Variants in SOCS5 observed in about 807,000 individuals in gnomAD.
SOCS5 encodes the protein suppressor of cytokine signaling 5.
A neutral mutation model predicts 42.8 loss-of-function variants in SOCS5; 32 were observed. That is an observed-to-expected ratio of 0.75 (90% CI 0.56 to 1.01). SOCS5 has a LOEUF of 1.01. Ranked by LOEUF, SOCS5 falls within the 50% of genes least tolerant of loss-of-function variation. The pLI is 0.00. For missense variants in SOCS5, 627 were observed against 653.0 expected (o/e 0.96, Z 0.43); for synonymous variants, 283 against 229.6 (o/e 1.23, Z -2.10).
intron 1 of SOCS5, among the ~76,000 whole-genome samples, chr2:46,739,779 C>G (rs1429009622): frequency 1.3e-5 from 2 of 152,150 alleles, no homozygotes; most frequent in East Asian, 1.9e-4. Context: ...GTACACATGT[C>G]TACACACATA....
At chr2:46,701,412 T>C (rs1672341348) in intron 1 of SOCS5, among the ~76,000 whole-genome samples, 1 of 152,128 alleles carries the variant, frequency 6.6e-6, no homozygotes, top group Non-Finnish European at 1.5e-5. Context: ...ACCATGGAGA[T>C]GATATTTTGC....
chr2:46,744,891 G>A (rs1012110092), intron 1 of SOCS5, among the ~76,000 whole-genome samples: 29 of 149,920 alleles, frequency 1.9e-4, no homozygotes, highest in African/African-American at 7.1e-4. Flanking sequence ...TAGTGCTTGG[G>A]AAATAGTTGT....
At chr2:46,747,901 T>A (rs1673540272) in intron 1 of SOCS5, among the ~76,000 whole-genome samples, 1 of 152,198 alleles carries the variant, frequency 6.6e-6, no homozygotes, top group Non-Finnish European at 1.5e-5. Flanking sequence ...ATTCTGAGCT[T>A]TTGATAGGTT....
chr2:46,705,227 C>T (rs369884139), intron 1 of SOCS5, among the ~76,000 whole-genome samples: 1 of 152,182 alleles, frequency 6.6e-6, no homozygotes, highest in African/African-American at 2.4e-5. Context: ...GTAGGAGCCC[C>T]AGTTTATAGC....
rs752289034 is a variant in SOCS5 at position 46,758,578 on chromosome 2, G to C, written c.48G>C (p.Gln16His). 1.2e-6 allele frequency: 2 copies of C among 1,610,710 alleles called. No homozygotes were observed. Among genetic ancestry groups the C allele is most frequent in the Non-Finnish European group, 1.7e-6 (2 of 1,178,928 alleles). ...KMWNNFKYRC[Q>H]NLFGHEGGSR... Reference sequence around the variant, plus strand: ...GGAATAACTTCAAATACAGGTGTCAGAATCTCTTCGGTCATGAGGGAGGAA... The same window carrying C: ...GGAATAACTTCAAATACAGGTGTCACAATCTCTTCGGTCATGAGGGAGGAA... Residue 16 changes from glutamine (Q) to histidine (H), a missense_variant, in exon 2 of 2, where the codon CAG becomes CAC. By Grantham distance (24) the Gln-to-His change is conservative. Around this residue, in one of 3 missense-constraint regions of SOCS5, gnomAD observed 278 missense variants for 246.3 expected, o/e 1.13. Coordinates refer to ENST00000394861, the MANE Select transcript of SOCS5 (RefSeq NM_144949.3).
rs1166836699 is a variant in SOCS5 at position 46,759,076 on chromosome 2, GGA to G, written c.547_548del (p.Asp183TyrfsTer22). ...GTCGCTCTCTAAGACAGAGGTTGCA[GGA>G]TACTGTGGGCTTGTGTTTTCCCATG... Reference protein sequence around the residue: ...GSRSLRQRLQDTVGLCFPMRT... With the variant: ...GSRSLRQRLQXTVGLCFPMRT... On this transcript the variant is annotated frameshift_variant, in exon 2 of 2. Transcript: ENST00000394861. LOFTEE classifies it high-confidence loss of function. 1 of 1,613,862 alleles carries G rather than the reference GGA, an allele frequency of 6.2e-7. No homozygotes were observed. Among genetic ancestry groups the G allele is most frequent in the Non-Finnish European group, 8.5e-7 (1 of 1,179,860 alleles).
intron 1 of SOCS5, among the ~76,000 whole-genome samples, chr2:46,725,399 A>T (rs1490894542): frequency 6.6e-6 from 1 of 151,780 alleles, no homozygotes; most frequent in African/African-American, 2.4e-5. Context: ...CTGCTGTTTT[A>T]TTATTTGCTT....
intron 1 of SOCS5, among the ~76,000 whole-genome samples, chr2:46,719,089 A>G (rs912100512): frequency 3.3e-5 from 5 of 152,184 alleles, no homozygotes; most frequent in Admixed American, 1.3e-4. Context: ...ATTACAAATC[A>G]TGTTCTTTAA....
intron 1 of SOCS5, among the ~76,000 whole-genome samples, chr2:46,756,567 A>G (rs1673735546): frequency 6.6e-6 from 1 of 152,218 alleles, no homozygotes; most frequent in East Asian, 1.9e-4. Context: ...CACATATGTT[A>G]CTTTTAAATT....
rs537919609 is a variant in SOCS5 at position 46,699,498 on chromosome 2, C to T, written c.-13+49C>T. 60 of 151,948 alleles carry T rather than the reference C, an allele frequency of 3.9e-4. No homozygotes were observed. The highest frequency in any genetic ancestry group is 6.2e-4 in the Non-Finnish European group (42 of 67,780). 9.4% of individuals were successfully genotyped at this position (151,948 alleles called of 1,614,324 possible). A position where few individuals can be genotyped will look rare whatever the true frequency, so the allele number is the denominator to read the frequency against. On this transcript the variant is annotated intron_variant, in intron 1 of 1. Coordinates refer to ENST00000394861, the MANE Select transcript of SOCS5 (RefSeq NM_144949.3). This position sits in a 1 kb window ranked among gnomAD's most constrained non-coding sequence, Gnocchi z 4.8. ...CGGCCCGCCGCCTGCTCCCCGGCCC[C>T]CGCGCCGTCGTCCGCGGCCGCCTCT...
intron 1 of SOCS5, among the ~76,000 whole-genome samples, chr2:46,741,326 A>G (rs6728559): frequency 0.75 from 114,260 of 151,940 alleles, 43,905 homozygotes; most frequent in African/African-American, 0.89. Context: ...TGCAACCTCC[A>G]CCTCCCAGGT....
intron 1 of SOCS5, among the ~76,000 whole-genome samples, chr2:46,728,893 T>C (rs1673051792): frequency 6.6e-6 from 1 of 152,192 alleles, no homozygotes; most frequent in Non-Finnish European, 1.5e-5. Flanking sequence ...CTTTTCCATT[T>C]GCCTCTAAGC....
intron 1 of SOCS5, among the ~76,000 whole-genome samples, chr2:46,725,544 A>G (rs781006937): frequency 2.0e-5 from 3 of 152,228 alleles, no homozygotes; most frequent in South Asian, 2.1e-4. Context: ...TCTTAACACC[A>G]TATGTATTTC....
chr2:46,737,504 A>G (rs968754069), intron 1 of SOCS5, among the ~76,000 whole-genome samples: 2 of 152,230 alleles, frequency 1.3e-5, no homozygotes, highest in African/African-American at 2.4e-5. Context: ...TTTGGTGACA[A>G]TAATTATTTT....
chr2:46,733,457 C>T (rs1423214086), intron 1 of SOCS5, among the ~76,000 whole-genome samples: 3 of 151,010 alleles, frequency 2.0e-5, no homozygotes, highest in Admixed American at 2.0e-4. Flanking sequence ...CCTGTAATTC[C>T]AGCACTTTGG....
At chr2:46,748,209 A>G (rs1673548436) in intron 1 of SOCS5, among the ~76,000 whole-genome samples, 2 of 137,896 alleles carry the variant, frequency 1.5e-5, no homozygotes, top group Admixed American at 1.5e-4. Context: ...TTTTTTTGAC[A>G]CAGTCTCACT....
chr2:46,760,012 G>A lies in SOCS5; in HGVS notation c.1482G>A (p.Arg494=), dbSNP rs375034384. The A allele has an allele frequency of 6.2e-6, 10 of 1,613,998 alleles. No individual in the cohort carries two copies. Among genetic ancestry groups the A allele is most frequent in the African/African-American group, 1.3e-5 (1 of 74,888 alleles). Residue 494 remains arginine (R), a synonymous_variant, in exon 2 of 2, where the codon AGG becomes AGA. Coordinates refer to ENST00000394861, the MANE Select transcript of SOCS5 (RefSeq NM_144949.3). The part of the protein sequence containing the change: ...LQYICRAVIC[R]CTTYDGIDGL... ...ATATCTGTCGCGCGGTAATCTGCAG[G>A]TGCACTACGTATGATGGAATTGATG...
At chr2:46,751,406 A>C (rs1422410289) in intron 1 of SOCS5, among the ~76,000 whole-genome samples, 1 of 152,152 alleles carries the variant, frequency 6.6e-6, no homozygotes, top group Non-Finnish European at 1.5e-5. Context: ...CTTAAAAAAA[A>C]ATACACTTTA....
rs185583683 is a variant in SOCS5 at position 46,726,948 on chromosome 2, G to T, written c.-13+27499G>T. Among the ~76,000 whole-genome samples, 933 of 151,540 alleles carry T rather than the reference G, an allele frequency of 6.2e-3. 9 individuals are homozygous for T. The highest frequency in any genetic ancestry group is 0.014 in the Middle Eastern group (4 of 288). ...ATTTTATATTTTTATTAGAGACGGG[G>T]TTTCTCCATGTTGGTCAGGCTGGTC... On this transcript the variant is annotated intron_variant, in intron 1 of 1. Transcript: ENST00000394861.
Sources: gnomAD v4.1 joint callset for allele counts (sites outside exome capture counted in the v4.1 genomes callset) on GRCh38, gnomAD v4.1.1 for gene constraint, gnomAD v4.1.1 regional missense constraint, Gnocchi (gnomAD v3.1) non-coding constraint, MANE v1.5 for transcripts, NCBI Gene and HGNC (gene_info 2026-07-23, HGNC 2026-07-21) for gene names.